ST8SIA6: variants seen among roughly 807,000 people sequenced by gnomAD.
ST8SIA6 encodes the protein ST8 alpha-N-acetyl-neuraminide alpha-2,8-sialyltransferase 6.
A neutral mutation model predicts 33.6 loss-of-function variants in ST8SIA6; 39 were observed. The observed-to-expected ratio is 1.16, with a 90% CI of 0.90 to 1.52. ST8SIA6 has a LOEUF of 1.52. Among genes scored for constraint, ST8SIA6 ranks in the 40% most tolerant of loss-of-function variants. ST8SIA6 has a pLI of 0.00. For synonymous variants in ST8SIA6, 172 were observed against 167.2 expected (o/e 1.03, Z -0.22); for missense variants, 441 against 443.8 (o/e 0.99, Z 0.06).
chr10:17,444,055 G>A (rs1802661293), intron 2 of ST8SIA6, among the ~76,000 whole-genome samples: 1 of 152,160 alleles, frequency 6.6e-6, no homozygotes, highest in African/African-American at 2.4e-5. Flanking sequence ...TCCAGCGTTA[G>A]CACCTAATAG....
chr10:17,360,399 C>A (rs57556550), intron 3 of ST8SIA6, among the ~76,000 whole-genome samples: 1 of 148,022 alleles, frequency 6.8e-6, no homozygotes, highest in East Asian at 2.0e-4. Flanking sequence ...TGAAACCAGA[C>A]TAATATCTAG....
chr10:17,322,465 ATATT>A (rs1173076667), intron 7 of ST8SIA6, among the ~76,000 whole-genome samples: 1 of 152,170 alleles, frequency 6.6e-6, no homozygotes, highest in Non-Finnish European at 1.5e-5. Context: ...GGCAAGTTCA[ATATT>A]TATTTTATTT....
At chr10:17,385,065 A>C (rs1018840595) in intron 3 of ST8SIA6, among the ~76,000 whole-genome samples, 2 of 152,176 alleles carry the variant, frequency 1.3e-5, no homozygotes, top group African/African-American at 4.8e-5. Flanking sequence ...TTTAAAAAAG[A>C]AAAAGGGTGA....
chr10:17,420,670 C>A (rs1371457206), intron 2 of ST8SIA6, among the ~76,000 whole-genome samples: 2 of 152,194 alleles, frequency 1.3e-5, no homozygotes, highest in African/African-American at 2.4e-5. Context: ...GGAGTTTTGT[C>A]TGCTGATGGC....
Position 17,318,560 on chromosome 10 carries a change from C to T in ST8SIA6, c.*2318G>A. On this transcript the variant is annotated 3_prime_UTR_variant, in exon 8 of 8. Coordinates refer to ENST00000377602, the MANE Select transcript of ST8SIA6 (RefSeq NM_001004470.3). ...AGTACCAGAACTCAGACTTTCCATT[C>T]TCAATGCCCTTAGATGTACTTGAGT... 2.5e-6 allele frequency: 1 copy of T among 404,644 alleles called. No homozygotes were observed. The highest frequency in any genetic ancestry group is 5.0e-6 in the Non-Finnish European group (1 of 201,218). 25.1% of individuals were successfully genotyped at this position (404,644 alleles called of 1,614,324 possible).
At chr10:17,352,337 G>A (rs1487835152) in intron 4 of ST8SIA6, among the ~76,000 whole-genome samples, 1 of 152,080 alleles carries the variant, frequency 6.6e-6, no homozygotes, top group Admixed American at 6.6e-5. Flanking sequence ...TAGAGTGTCA[G>A]AACTAACGCA....
intron 3 of ST8SIA6, among the ~76,000 whole-genome samples, chr10:17,374,592 G>A (rs1250850515): frequency 1.7e-4 from 26 of 151,508 alleles, no homozygotes; most frequent in Non-Finnish European, 7.4e-5. Context: ...GCATGGTGGC[G>A]GGCACCAGCT....
intron 3 of ST8SIA6, among the ~76,000 whole-genome samples, chr10:17,374,747 T>A (rs868676474): frequency 1.4e-3 from 122 of 89,696 alleles, no homozygotes; most frequent in African/African-American, 4.3e-3. Context: ...AATAAATAAA[T>A]AATAAATATA....
chr10:17,392,913 G>T (rs1237619622), intron 2 of ST8SIA6, among the ~76,000 whole-genome samples: 5 of 152,200 alleles, frequency 3.3e-5, no homozygotes, highest in Non-Finnish European at 7.3e-5. Flanking sequence ...GGGCAAAGGG[G>T]TGCCCAGATA....
At chr10:17,447,812 A>AT (rs1204618844) in intron 2 of ST8SIA6, among the ~76,000 whole-genome samples, 1 of 151,952 alleles carries the variant, frequency 6.6e-6, no homozygotes, top group Admixed American at 6.6e-5. Context: ...TAATATTAAA[A>AT]TTTAAAAAAA....
chr10:17,428,661 A>G (rs1267172118), intron 2 of ST8SIA6, among the ~76,000 whole-genome samples: 1 of 151,954 alleles, frequency 6.6e-6, no homozygotes, highest in Non-Finnish European at 1.5e-5. Flanking sequence ...AAGCAGAAGG[A>G]ACAGCAAGTA....
chr10:17,327,067 A>G lies in ST8SIA6; in HGVS notation c.582T>C (p.Ile194=). 1 of 1,610,814 alleles carries G rather than the reference A, an allele frequency of 6.2e-7. No homozygotes were observed. The change falls in exon 6 of 8, where the codon ATT becomes ATC. Residue 194 remains isoleucine (I), a synonymous_variant. Transcript: ENST00000377602. ...NQCAVVGNGG[I]LNKSLCGTEI... ...CAGTTCCACAGAGAGACTTATTCAG[A>G]ATTCCCCCATTTCCGACCACTGCAC... is the stretch of plus-strand genomic sequence containing the variant.
At chr10:17,410,158 G>C (rs1851406530) in intron 2 of ST8SIA6, 1 of 152,176 alleles carries the variant, frequency 6.6e-6, no homozygotes, top group Non-Finnish European at 1.5e-5. Flanking sequence ...TTTATTTGTG[G>C]AGTTCAGCTG....
At chr10:17,447,047 A>G (rs956174631) in intron 2 of ST8SIA6, among the ~76,000 whole-genome samples, 27 of 151,242 alleles carry the variant, frequency 1.8e-4, no homozygotes, top group African/African-American at 5.3e-4. Context: ...AAAAAGAAAA[A>G]GAGAAAAAAT....
intron 3 of ST8SIA6, among the ~76,000 whole-genome samples, chr10:17,373,834 C>A (rs1052048892): frequency 3.7e-4 from 56 of 152,106 alleles, no homozygotes; most frequent in Non-Finnish European, 6.3e-4. Flanking sequence ...ATTTGAGGAA[C>A]TATGAGGAAG....
chr10:17,422,032 A>G (rs76572305), intron 2 of ST8SIA6, among the ~76,000 whole-genome samples: 3 of 151,976 alleles, frequency 2.0e-5, no homozygotes, highest in African/African-American at 7.2e-5. Context: ...ATTATAATAT[A>G]GAATTTATAA....
At chr10:17,339,277 AC>A (rs1848601205) in intron 4 of ST8SIA6, among the ~76,000 whole-genome samples, 1 of 152,128 alleles carries the variant, frequency 6.6e-6, no homozygotes, top group African/African-American at 2.4e-5. Context: ...CAGTTCACAG[AC>A]CGAGGCTAAC....
In ST8SIA6 at chr10:17,316,486, T is replaced by A. The variant is rs2131562725; in HGVS notation, c.*4392A>T. 6.6e-6 allele frequency among the ~76,000 whole-genome samples: 1 copy of A among 152,228 alleles called. No individual in the cohort carries two copies. Among genetic ancestry groups the A allele is most frequent in the Non-Finnish European group, 1.5e-5 (1 of 67,948 alleles). Reference sequence around the variant, plus strand: ...AATAAATACCTTAATACTTGTTTTTTTGTGTGGATCAGAACAGGTCCTCTT... The same window carrying A: ...AATAAATACCTTAATACTTGTTTTTATGTGTGGATCAGAACAGGTCCTCTT... On this transcript the variant is annotated 3_prime_UTR_variant, in exon 8 of 8. Transcript: ENST00000377602.
At chr10:17,396,361 G>A (rs1054380202) in intron 2 of ST8SIA6, among the ~76,000 whole-genome samples, 1 of 152,194 alleles carries the variant, frequency 6.6e-6, no homozygotes, top group Non-Finnish European at 1.5e-5. Context: ...TGTCCAATTT[G>A]TAGGGCCTTT....
Sources: allele counts gnomAD v4.1 joint callset (sites outside exome capture counted in the v4.1 genomes callset), GRCh38; gene constraint gnomAD v4.1.1; transcripts MANE v1.5; gene names NCBI Gene and HGNC (gene_info 2026-07-23, HGNC 2026-07-21).